The following PRKCE variants were observed in gnomAD, a reference collection of about 807,000 sequenced individuals.
The protein encoded by PRKCE is protein kinase C epsilon type.
In PRKCE, 16 loss-of-function variants were observed where a neutral mutation model predicts 85.4. The ratio of observed to expected loss-of-function variants is 0.19; its 90% CI spans 0.13 to 0.28. PRKCE has a LOEUF of 0.28. PRKCE is among the 10% of genes least tolerant of loss of function. The pLI, the probability that PRKCE is intolerant of heterozygous loss-of-function variation, is 1.00. For missense variants in PRKCE, 573 were observed against 975.2 expected (o/e 0.59, Z 5.49); for synonymous variants, 388 against 371.5 (o/e 1.04, Z -0.51).
At position 45,930,421 on chromosome 2, in the gene PRKCE, G is replaced by A. The variant is rs111909316; in HGVS notation, c.413-46008G>A. Among the ~76,000 whole-genome samples, 423 of 152,264 alleles carry A rather than the reference G, an allele frequency of 2.8e-3. 9 individuals are homozygous for A. Among genetic ancestry groups the A allele is most frequent in the African/African-American group, 9.8e-3 (407 of 41,540 alleles). ...AAGAAAGTGCCTGGTGGCTCATGTT[G>A]GATGCTTAATAAATCTTACAAACAT... On this transcript the variant is annotated intron_variant, in intron 2 of 14. Coordinates refer to ENST00000306156, the MANE Select transcript of PRKCE (RefSeq NM_005400.3).
At position 46,159,655 on chromosome 2, in the gene PRKCE, A is replaced by G. The variant is rs1342461880; in HGVS notation, c.1970A>G (p.Asn657Ser). 1.3e-6 allele frequency: 2 copies of G among 1,599,340 alleles called. No homozygotes were observed. The highest frequency in any genetic ancestry group is 1.7e-6 in the Non-Finnish European group (2 of 1,179,862). ...CGCCTGGGCTGTGTGGCATCGCAGA[A>G]TGGCGAGGACGCCATCAAGCAGCAC... ...HKRLGCVASQNGEDAIKQHPF... is the reference protein window; with the variant it reads ...HKRLGCVASQSGEDAIKQHPF... Residue 657 changes from asparagine (N) to serine (S), a missense_variant, in exon 14 of 15, where the codon AAT becomes AGT. Transcript: ENST00000306156. The surrounding 1 kb of genome is among the most constrained non-coding windows in gnomAD (Gnocchi z 4.1).
At chr2:45,809,729 A>T (rs1230388047) in intron 1 of PRKCE, among the ~76,000 whole-genome samples, 1 of 151,520 alleles carries the variant, frequency 6.6e-6, no homozygotes, top group East Asian at 2.0e-4. Flanking sequence ...AAAAAAAAAA[A>T]ATTAGCCAGG....
chr2:45,943,357 G>A (rs968664526), intron 2 of PRKCE, among the ~76,000 whole-genome samples: 2 of 152,246 alleles, frequency 1.3e-5, no homozygotes, highest in Admixed American at 6.5e-5. Flanking sequence ...GGAGTTGCAC[G>A]TGGGTCCTAT....
intron 1 of PRKCE, among the ~76,000 whole-genome samples, chr2:45,792,234 C>T (rs1558676697): frequency 6.6e-6 from 1 of 152,088 alleles, no homozygotes; most frequent in Non-Finnish European, 1.5e-5. Context: ...CCAGTCTCAC[C>T]AGAAGTAATC....
At chr2:45,702,535 T>C (rs1337037423) in intron 1 of PRKCE, among the ~76,000 whole-genome samples, 1 of 152,218 alleles carries the variant, frequency 6.6e-6, no homozygotes, top group African/African-American at 2.4e-5. Context: ...CGGTGGACTT[T>C]ATGCCTCCTG....
intron 10 of PRKCE, among the ~76,000 whole-genome samples, chr2:46,065,321 C>T (rs768235638): frequency 5.3e-5 from 8 of 151,918 alleles, no homozygotes; most frequent in Non-Finnish European, 7.4e-5. Context: ...AGAATTCTGA[C>T]GGGAAACAGT....
chr2:45,744,463 TTC>T (rs1355120345), intron 1 of PRKCE, among the ~76,000 whole-genome samples: 1,707 of 63,160 alleles, frequency 0.027, 30 homozygotes, highest in Middle Eastern at 0.075. Flanking sequence ...CTTTCTTTCT[TTC>T]TTTCTTTCTT....
At chr2:45,856,683 A>G (rs1573625698) in intron 2 of PRKCE, among the ~76,000 whole-genome samples, 1 of 152,172 alleles carries the variant, frequency 6.6e-6, no homozygotes, top group Non-Finnish European at 1.5e-5. Context: ...GTACCCATCG[A>G]CCAACTTCCC....
At chr2:45,897,906 G>T (rs890274617) in intron 2 of PRKCE, among the ~76,000 whole-genome samples, 1 of 152,264 alleles carries the variant, frequency 6.6e-6, no homozygotes, top group Middle Eastern at 3.4e-3. Context: ...GAGACACCCG[G>T]ATAAACTGCT....
At position 45,905,739 on chromosome 2, in the gene PRKCE, G is replaced by A. The variant is rs1696922229; in HGVS notation, c.412+62676G>A. ...CTACAAAGATAGGATGTTTACTGAA[G>A]GGTAAATGGAGACCGGCCCATGCTC... On this transcript the variant is annotated intron_variant, in intron 2 of 14. Coordinates refer to ENST00000306156, the MANE Select transcript of PRKCE (RefSeq NM_005400.3). This position sits in a 1 kb window ranked among gnomAD's most constrained non-coding sequence, Gnocchi z 4.4. Among the ~76,000 whole-genome samples, 3 of 152,244 alleles carry A rather than the reference G, an allele frequency of 2.0e-5. No individual in the cohort carries two copies.
intron 2 of PRKCE, among the ~76,000 whole-genome samples, chr2:45,910,047 C>T (rs551998910): frequency 3.3e-5 from 5 of 151,988 alleles, no homozygotes; most frequent in Non-Finnish European, 5.9e-5. Context: ...CTCACCGCCC[C>T]CCCCCAGCCA....
chr2:45,960,698 C>A (rs1053960936), intron 2 of PRKCE, among the ~76,000 whole-genome samples: 1 of 152,174 alleles, frequency 6.6e-6, no homozygotes, highest in Admixed American at 6.5e-5. Flanking sequence ...GGATTGGGGG[C>A]CCCTGCTGTA....
chr2:45,790,257 C>T (rs759616430), intron 1 of PRKCE, among the ~76,000 whole-genome samples: 4 of 152,206 alleles, frequency 2.6e-5, no homozygotes, highest in Non-Finnish European at 4.4e-5. Context: ...ATCAATGCCA[C>T]CAAATCCTCC....
intron 1 of PRKCE, among the ~76,000 whole-genome samples, chr2:45,690,574 G>T (rs913476098): frequency 1.3e-5 from 2 of 152,206 alleles, no homozygotes; most frequent in Non-Finnish European, 2.9e-5. Context: ...GACAAAAACT[G>T]CACTGCCTTT....
intron 2 of PRKCE, among the ~76,000 whole-genome samples, chr2:45,878,881 G>A (rs184891751): frequency 6.6e-6 from 1 of 152,078 alleles, no homozygotes; most frequent in Non-Finnish European, 1.5e-5. Context: ...GTTTGCTCTT[G>A]CTTTTTTAAA....
chr2:45,799,120 C>T (rs564328680), intron 1 of PRKCE, among the ~76,000 whole-genome samples: 49 of 150,988 alleles, frequency 3.2e-4, no homozygotes, highest in African/African-American at 1.1e-3. Flanking sequence ...AACCTGAGAT[C>T]GTGCCACGGC....
intron 1 of PRKCE, among the ~76,000 whole-genome samples, chr2:45,836,484 T>A (rs991033164): frequency 1.3e-5 from 2 of 152,242 alleles, no homozygotes; most frequent in African/African-American, 4.8e-5. Context: ...CTCATTGTAT[T>A]GCCTCAATGC....
At chr2:45,725,358 A>G (rs1287428823) in intron 1 of PRKCE, among the ~76,000 whole-genome samples, 2 of 152,204 alleles carry the variant, frequency 1.3e-5, no homozygotes, top group African/African-American at 4.8e-5. Context: ...GTACAAGGAG[A>G]TTAATGTTGT....
At chr2:45,948,750 T>C (rs1700411428) in intron 2 of PRKCE, among the ~76,000 whole-genome samples, 1 of 152,194 alleles carries the variant, frequency 6.6e-6, no homozygotes, top group Non-Finnish European at 1.5e-5. Flanking sequence ...AGATAACCCC[T>C]GGGCTGAAGT....
Sources: allele counts gnomAD v4.1 joint callset (sites outside exome capture counted in the v4.1 genomes callset), GRCh38; gene constraint gnomAD v4.1.1; non-coding constraint Gnocchi (gnomAD v3.1); transcripts MANE v1.5; gene names NCBI Gene and HGNC (gene_info 2026-07-23, HGNC 2026-07-21).